ANKFN1: variants seen among roughly 807,000 people sequenced by gnomAD.
ANKFN1 encodes ankyrin repeat and fibronectin type-III domain-containing protein 1.
ANKFN1 carries 74 observed loss-of-function variants against 108.7 expected under a neutral mutation model. That is an observed-to-expected ratio of 0.68 (90% CI 0.56 to 0.83). The LOEUF (loss-of-function observed/expected upper bound fraction) is 0.83. Ranked by LOEUF, ANKFN1 falls within the 40% of genes least tolerant of loss-of-function variation. The probability of loss-of-function intolerance (pLI) is 0.00; values close to 1 mark genes in which losing one functional copy is unlikely to be tolerated. For synonymous variants in ANKFN1, 547 were observed against 516.2 expected, an observed-to-expected ratio of 1.06 and a Z score of -0.81; for missense variants, 1,505 against 1,382.3, an observed-to-expected ratio of 1.09 and a Z score of -1.41.
chr17:56,442,368 T>G (rs975760396), intron 9 of ANKFN1, among the ~76,000 whole-genome samples: 3 of 152,214 alleles, frequency 2.0e-5, no homozygotes, highest in African/African-American at 4.8e-5. Flanking sequence ...TTTAATGCAC[T>G]ACTCTGAAAA....
At chr17:56,420,869 G>A (rs2048384844) in intron 8 of ANKFN1, among the ~76,000 whole-genome samples, 1 of 151,796 alleles carries the variant, frequency 6.6e-6, no homozygotes, top group African/African-American at 2.4e-5. Context: ...CACCGCGCCC[G>A]GCTAATTTTT....
At position 56,326,321 on chromosome 17, in the gene ANKFN1, A is replaced by G. The variant is rs200359744; in HGVS notation, c.154A>G (p.Thr52Ala). 2.7e-5 allele frequency: 43 copies of G among 1,613,838 alleles called. 1 individual carries two copies. The highest frequency in any genetic ancestry group is 5.0e-5 in the Admixed American group (3 of 59,980). ...TGAAAGCACTGGACAATTACCAACAACTTGTTCCTCTGCTGCCTCGAACAG... is the reference window on the plus strand; with the variant it reads ...TGAAAGCACTGGACAATTACCAACAGCTTGTTCCTCTGCTGCCTCGAACAG... ...LNESTGQLPT[T>A]CSSAASNSIN... Residue 52 changes from threonine (T) to alanine (A), a missense_variant, in exon 4 of 21, where the codon ACT becomes GCT. Thr to Ala is a moderately conservative substitution (Grantham distance 58, BLOSUM62 0). Transcript: ENST00000682825.
At chr17:56,118,257 C>T (rs903934674) in intron 4 of ANKFN1, among the ~76,000 whole-genome samples, 3 of 152,118 alleles carry the variant, frequency 2.0e-5, no homozygotes, top group African/African-American at 7.2e-5. Flanking sequence ...CAAGGGGAAT[C>T]TCTAGATCAG....
intron 8 of ANKFN1, among the ~76,000 whole-genome samples, chr17:56,420,514 A>G (rs939287854): frequency 3.3e-5 from 5 of 152,186 alleles, no homozygotes; most frequent in African/African-American, 1.2e-4. Context: ...CTTTAGTATG[A>G]AAGCAGTGAA....
upstream of ANKFN1, among the ~76,000 whole-genome samples, chr17:56,149,053 G>A (rs1339576013): frequency 3.9e-5 from 6 of 152,180 alleles, no homozygotes; most frequent in Admixed American, 1.3e-4. Context: ...ATAAACTTGG[G>A]TCTGTGTGAT....
chr17:56,325,929 T>G (rs2045503108), intron 3 of ANKFN1, among the ~76,000 whole-genome samples: 1 of 152,194 alleles, frequency 6.6e-6, no homozygotes, highest in Non-Finnish European at 1.5e-5. Context: ...TTGTTTACTA[T>G]GTAGCTAGTT....
chr17:56,376,317 G>T (rs1036200887), intron 8 of ANKFN1, among the ~76,000 whole-genome samples: 1 of 152,152 alleles, frequency 6.6e-6, no homozygotes, highest in Non-Finnish European at 1.5e-5. Context: ...GCATTGAATT[G>T]ATTATCCCTG....
At chr17:56,276,573 G>T (rs187698382) in intron 3 of ANKFN1, among the ~76,000 whole-genome samples, 26 of 152,242 alleles carry the variant, frequency 1.7e-4, no homozygotes, top group Non-Finnish European at 5.9e-5. Context: ...ATCTCATTGT[G>T]GTTTTGATTT....
chr17:56,282,679 C>T lies in ANKFN1; in HGVS notation c.54-43542C>T, dbSNP rs550384231. Among the ~76,000 whole-genome samples the T allele has an allele frequency of 2.2e-4, 33 of 152,182 alleles. No individual in the cohort carries two copies. In the South Asian group the frequency reaches 6.8e-3, roughly 32 times the overall value. The stretch of plus-strand genomic sequence containing the variant: ...CCAACAAAATGAGTTTATTTTATAA[C>T]TTAGCAAATGAATGCAGCACCCTTT... On this transcript the variant is annotated intron_variant, in intron 3 of 20. Transcript: ENST00000682825.
intron 1 of ANKFN1, among the ~76,000 whole-genome samples, chr17:56,193,404 A>T (rs956957930): frequency 1.7e-4 from 25 of 143,404 alleles, no homozygotes; most frequent in African/African-American, 4.9e-4. Context: ...AAGTATAATT[A>T]AAAAAAAAAA....
intron 3 of ANKFN1, among the ~76,000 whole-genome samples, chr17:56,284,186 A>G (rs2044158566): frequency 1.3e-5 from 2 of 152,208 alleles, no homozygotes; most frequent in Admixed American, 1.3e-4. Flanking sequence ...TTTTCCTTAA[A>G]GCCCACTATA....
At chr17:56,449,549 G>C (rs921989263) in intron 11 of ANKFN1, among the ~76,000 whole-genome samples, 1 of 152,154 alleles carries the variant, frequency 6.6e-6, no homozygotes, top group Non-Finnish European at 1.5e-5. Flanking sequence ...AAAATCCCCT[G>C]AGTATCCCTG....
intron 3 of ANKFN1, among the ~76,000 whole-genome samples, chr17:56,235,038 A>G (rs1917020388): frequency 6.6e-6 from 1 of 151,994 alleles, no homozygotes; most frequent in African/African-American, 2.4e-5. Context: ...TTTTATTAAC[A>G]GCCATTCTGA....
chr17:56,505,995 A>T (rs2051544329), intron 20 of ANKFN1, among the ~76,000 whole-genome samples: 1 of 152,140 alleles, frequency 6.6e-6, no homozygotes, highest in South Asian at 2.1e-4. Context: ...GGCCCCCAAA[A>T]ACTATGTCCA....
intron 4 of ANKFN1, among the ~76,000 whole-genome samples, chr17:56,333,174 C>T (rs751769913): frequency 6.6e-6 from 1 of 151,844 alleles, no homozygotes; most frequent in East Asian, 1.9e-4. Flanking sequence ...TTTTCTTGCC[C>T]TACTTCACTG....
At chr17:56,105,232 C>A (rs535353293) in intron 4 of ANKFN1, among the ~76,000 whole-genome samples, 1 of 152,182 alleles carries the variant, frequency 6.6e-6, no homozygotes, top group South Asian at 2.1e-4. Context: ...AGTCAAGGAG[C>A]ATGGATTTGG....
chr17:56,068,600 G>A (rs1905087507), intron 4 of ANKFN1, among the ~76,000 whole-genome samples: 1 of 152,186 alleles, frequency 6.6e-6, no homozygotes, highest in African/African-American at 2.4e-5. Context: ...GATTTAGAGG[G>A]CAAGCAGAAA....
rs754503616 is a variant in ANKFN1, at chr17:56,374,618, A to T, written c.814A>T (p.Thr272Ser). ...TGTCCCAGGAGCCCCTGAGATGCCAACCAATGTCTGTCTCATGGTAACCAG... is the reference window on the plus strand; with the variant it reads ...TGTCCCAGGAGCCCCTGAGATGCCATCCAATGTCTGTCTCATGGTAACCAG... ...FEHARAPEMP[T>S]NVCLMVTSST... The change falls in exon 8 of 21, where the codon ACC becomes TCC. Residue 272 changes from threonine (T) to serine (S), a missense_variant. Coordinates refer to ENST00000682825, the MANE Select transcript of ANKFN1 (RefSeq NM_001370326.1). 2 of 1,613,842 alleles carry T rather than the reference A, an allele frequency of 1.2e-6. No individual in the cohort carries two copies. Among genetic ancestry groups the T allele is most frequent in the South Asian group, 2.2e-5 (2 of 91,064 alleles).
At chr17:56,253,545 C>G (rs890193031) in intron 3 of ANKFN1, among the ~76,000 whole-genome samples, 1 of 152,124 alleles carries the variant, frequency 6.6e-6, no homozygotes, top group Admixed American at 6.5e-5. Context: ...TGAGACCAAC[C>G]TGGCCAATAT....
Sources: gnomAD v4.1 joint callset for allele counts (sites outside exome capture counted in the v4.1 genomes callset) on GRCh38, gnomAD v4.1.1 for gene constraint, MANE v1.5 for transcripts, NCBI Gene and HGNC (gene_info 2026-07-23, HGNC 2026-07-21) for gene names.